Variants in MALAT1 observed in about 807,000 individuals in gnomAD.
MALAT1 encodes hepcarcin.
chr11:65,498,654 C>G (rs779278578), intron 1 of MALAT1: 12 of 518,262 alleles, frequency 2.3e-5, no homozygotes, highest in South Asian at 1.4e-4. Context: ...AAGCCCTGAA[C>G]TATCACACTT....
chr11:65,502,434 T>A (rs746804150), exon 3 of MALAT1: 1 of 504,012 alleles, frequency 2.0e-6, no homozygotes, highest in Non-Finnish European at 3.9e-6. Flanking sequence ...AAGTTTTTTT[T>A]TAGTGTAGGA....
At chr11:65,498,521 A>G (rs1854454176) in intron 1 of MALAT1, 2 of 517,216 alleles carry the variant, frequency 3.9e-6, no homozygotes, top group Non-Finnish European at 7.7e-6. Context: ...ACAAAAAAGC[A>G]AAACGTGTGG....
exon 3 of MALAT1, chr11:65,502,629 T>C (rs773752744): frequency 2.1e-6 from 1 of 479,284 alleles, no homozygotes; most frequent in Non-Finnish European, 4.0e-6. Flanking sequence ...CTTTTTTTTT[T>C]TCTATAGACT....
Position 65,504,706 on chromosome 11 carries a change from C to T in MALAT1, n.5168+801C>T, listed in dbSNP as rs529034539. On this transcript the variant is annotated intron_variant and non_coding_transcript_variant, in intron 3 of 3. Transcript: ENST00000619449. Reference sequence around the variant, plus strand: ...AGAAACATTCCAAACAAGCAACAGTCTTCAAGAAATTAAACTGGCAAGTGG... The same window carrying T: ...AGAAACATTCCAAACAAGCAACAGTTTTCAAGAAATTAAACTGGCAAGTGG... 23 of 518,944 alleles carry T rather than the reference C, an allele frequency of 4.4e-5. No homozygotes were observed. In the East Asian group the frequency reaches 8.2e-4, roughly 18 times the overall value. The allele number at this position is 518,944 out of a possible 1,614,324, so 32.1% of individuals were successfully genotyped here.
chr11:65,499,043 G>A (rs777094053), exon 3 of MALAT1: 2 of 518,454 alleles, frequency 3.9e-6, no homozygotes, highest in African/African-American at 1.9e-5. Context: ...GAGCTGTGCG[G>A]TAGGCATTGA....
chr11:65,503,940 A>G (rs1284584995), intron 3 of MALAT1: 1 of 515,856 alleles, frequency 1.9e-6, no homozygotes, highest in East Asian at 5.5e-5. Context: ...AGGTAATTAC[A>G]CATTTTATTT....
chr11:65,505,762 A>G (rs766241283), intron 3 of MALAT1: 11 of 518,852 alleles, frequency 2.1e-5, no homozygotes, highest in South Asian at 1.4e-4. Context: ...AACCACAGCT[A>G]AGTAGCTCTA....
chr11:65,499,256 AGAG>A (rs777762933), exon 3 of MALAT1: 1 of 513,196 alleles, frequency 1.9e-6, no homozygotes, highest in South Asian at 1.4e-5. Context: ...AAGACTTAGA[AGAG>A]TAGCATGAGG....
At chr11:65,500,324 T>C (rs1482095642) in exon 3 of MALAT1, 2 of 518,476 alleles carry the variant, frequency 3.9e-6, no homozygotes, top group East Asian at 1.1e-4. Context: ...ACCAACTTAA[T>C]GTTTTTGCAT....
chr11:65,501,265 C>T (rs1409442636), exon 3 of MALAT1: 3 of 515,312 alleles, frequency 5.8e-6, no homozygotes, highest in South Asian at 2.8e-5. Context: ...GTTTTCAGTT[C>T]TTTTTCCCTT....
chr11:65,498,180 C>G lies in MALAT1; in HGVS notation n.178+315C>G, dbSNP rs199531288. The stretch of plus-strand genomic sequence containing the variant: ...CTGGGTGTGTCCCTGACTGGCTGCC[C>G]AAGGTCTCTGTGTCTTCGGAGACAA... On this transcript the variant is annotated intron_variant and non_coding_transcript_variant, in intron 1 of 3. Coordinates refer to ENST00000619449, the Ensembl canonical transcript of MALAT1. 5 of 518,926 alleles carry G rather than the reference C, an allele frequency of 9.6e-6. No individual in the cohort carries two copies. The East Asian group carries it at 2.2e-4, about 23-fold the overall frequency. The allele number at this position is 518,926 out of a possible 1,614,324, so 32.1% of individuals were successfully genotyped here. A position where few individuals can be genotyped will look rare whatever the true frequency, so the allele number is the denominator to read the frequency against.
chr11:65,501,028 T>G (rs531077007), exon 3 of MALAT1: 1 of 508,958 alleles, frequency 2.0e-6, no homozygotes, highest in Non-Finnish European at 3.9e-6. Flanking sequence ...TTTACACGAA[T>G]TTGAGGAAAA....
At chr11:65,500,687 G>A (rs1226263389) in exon 3 of MALAT1, 1 of 518,914 alleles carries the variant, frequency 1.9e-6, no homozygotes, top group African/African-American at 1.9e-5. Flanking sequence ...ACACGGAGGA[G>A]GCGAGCAGGC....
At chr11:65,498,562 G>C (rs534135617) in intron 1 of MALAT1, 1 of 518,712 alleles carries the variant, frequency 1.9e-6, no homozygotes, top group South Asian at 1.4e-5. Context: ...AGGACTGCAA[G>C]CAGTTGGGGG....
chr11:65,498,879 C>T (rs780315745), intron 2 of MALAT1: 1 of 518,440 alleles, frequency 1.9e-6, no homozygotes, highest in Non-Finnish European at 3.9e-6. Flanking sequence ...AGTTTGCATT[C>T]AAGTTCCATA....
At chr11:65,499,112 T>C (rs190805869) in exon 3 of MALAT1, 1 of 518,230 alleles carries the variant, frequency 1.9e-6, no homozygotes, top group Admixed American at 1.9e-5. Flanking sequence ...AAACCGCAGA[T>C]AAGTTTTTTT....
chr11:65,500,192 A>C (rs772210372), exon 3 of MALAT1: 2 of 509,546 alleles, frequency 3.9e-6, no homozygotes, highest in South Asian at 2.9e-5. Flanking sequence ...TAATTTAAAA[A>C]AAACTAAGGC....
At chr11:65,502,815 C>T (rs767407921) in exon 3 of MALAT1, 5 of 510,432 alleles carry the variant, frequency 9.8e-6, no homozygotes, top group African/African-American at 1.9e-5. Context: ...ACATTATCTG[C>T]ATATGCCAAA....
At chr11:65,505,556 C>T (rs576995154) in intron 3 of MALAT1, 2 of 515,600 alleles carry the variant, frequency 3.9e-6, no homozygotes, top group South Asian at 2.8e-5. Flanking sequence ...ACTTCTCTGC[C>T]ACATCGCCAC....
Sources: allele counts gnomAD v4.1 joint callset, GRCh38; gene constraint gnomAD v4.1.1; transcripts MANE v1.5; gene names NCBI Gene and HGNC (gene_info 2026-07-23, HGNC 2026-07-21).